CPA6: variants seen among roughly 807,000 people sequenced by gnomAD.
CPA6 encodes the protein carboxypeptidase A6, also known as carboxypeptidase B.
A neutral mutation model predicts 63.3 loss-of-function variants in CPA6; 58 were observed. The observed-to-expected ratio is 0.92, with a 90% CI of 0.74 to 1.14. The LOEUF is 1.14. CPA6 is among the 50% of genes most tolerant of loss of function. CPA6 has a pLI of 0.00. For missense variants in CPA6, 565 were observed against 526.6 expected, an observed-to-expected ratio of 1.07 and a Z score of -0.71; for synonymous variants, 185 against 179.0, an observed-to-expected ratio of 1.03 and a Z score of -0.27.
intron 1 of CPA6, among the ~76,000 whole-genome samples, chr8:67,688,581 AT>A (rs1374681631): frequency 6.6e-6 from 1 of 152,160 alleles, no homozygotes; most frequent in African/African-American, 2.4e-5. Context: ...AGGCTATATC[AT>A]TAATGCTGAG....
intron 1 of CPA6, among the ~76,000 whole-genome samples, chr8:67,656,741 T>C (rs1007938471): frequency 6.6e-6 from 1 of 152,180 alleles, no homozygotes; most frequent in African/African-American, 2.4e-5. Flanking sequence ...AGTCATATGC[T>C]ATATGAAAAT....
chr8:67,655,723 C>T (rs1001340799), intron 1 of CPA6, among the ~76,000 whole-genome samples: 1 of 151,978 alleles, frequency 6.6e-6, no homozygotes, highest in African/African-American at 2.4e-5. Context: ...CAAAGAGGCC[C>T]CTGTGTGACT....
intron 8 of CPA6, among the ~76,000 whole-genome samples, chr8:67,445,827 C>A (rs1810398205): frequency 6.6e-6 from 1 of 151,860 alleles, no homozygotes; most frequent in Non-Finnish European, 1.5e-5. Flanking sequence ...CTTTTTATTT[C>A]TCTAAAAATA....
chr8:67,459,078 G>A (rs1271376639), intron 8 of CPA6, among the ~76,000 whole-genome samples: 2 of 152,146 alleles, frequency 1.3e-5, no homozygotes, highest in East Asian at 3.8e-4. Flanking sequence ...ACCCACACAA[G>A]CATGCACATG....
intron 2 of CPA6, among the ~76,000 whole-genome samples, chr8:67,559,503 G>T (rs1054010380): frequency 6.6e-6 from 1 of 152,098 alleles, no homozygotes; most frequent in Non-Finnish European, 1.5e-5. Flanking sequence ...CCTTTCTAGG[G>T]TAGAGGATTT....
chr8:67,584,757 C>T (rs1813880011), intron 2 of CPA6, among the ~76,000 whole-genome samples: 1 of 152,010 alleles, frequency 6.6e-6, no homozygotes, highest in South Asian at 2.1e-4. Context: ...CTGCTGCTGC[C>T]AAGAGAAGGC....
intron 1 of CPA6, among the ~76,000 whole-genome samples, chr8:67,653,580 G>C (rs1270727243): frequency 6.6e-6 from 1 of 151,960 alleles, no homozygotes; most frequent in African/African-American, 2.4e-5. Flanking sequence ...TGTGATTTTT[G>C]TACATTGATT....
At chr8:67,551,732 T>TTCACC (rs1812943407) in intron 2 of CPA6, among the ~76,000 whole-genome samples, 1 of 152,184 alleles carries the variant, frequency 6.6e-6, no homozygotes, top group Non-Finnish European at 1.5e-5. Context: ...GCACAGAACT[T>TTCACC]TCACCTCCTT....
At chr8:67,698,385 C>T (rs147611794) in intron 1 of CPA6, among the ~76,000 whole-genome samples, 7 of 152,294 alleles carry the variant, frequency 4.6e-5, no homozygotes, top group Non-Finnish European at 1.0e-4. Context: ...CTAGACCTTA[C>T]TAAACTTATA....
At chr8:67,449,050 G>A (rs1810498017) in intron 8 of CPA6, among the ~76,000 whole-genome samples, 1 of 152,090 alleles carries the variant, frequency 6.6e-6, no homozygotes, top group Admixed American at 6.6e-5. Flanking sequence ...CCAGGAATTC[G>A]AGACCAGCCT....
intron 2 of CPA6, among the ~76,000 whole-genome samples, chr8:67,594,953 G>A (rs968794772): frequency 5.9e-5 from 9 of 152,138 alleles, no homozygotes; most frequent in Non-Finnish European, 8.8e-5. Flanking sequence ...GAGGAGGGGC[G>A]CTCTGCTTTT....
chr8:67,638,721 G>A (rs1815524268), intron 1 of CPA6, among the ~76,000 whole-genome samples: 1 of 151,608 alleles, frequency 6.6e-6, no homozygotes, highest in South Asian at 2.1e-4. Context: ...CATTACTGAA[G>A]GACCAATCCA....
intron 1 of CPA6, among the ~76,000 whole-genome samples, chr8:67,739,689 G>T (rs1001756111): frequency 5.3e-5 from 8 of 152,162 alleles, no homozygotes; most frequent in Admixed American, 3.3e-4. Flanking sequence ...CAGGGTGTAG[G>T]ATAAGTGAAA....
intron 2 of CPA6, among the ~76,000 whole-genome samples, chr8:67,519,258 G>T (rs1342480766): frequency 6.6e-6 from 1 of 152,224 alleles, no homozygotes; most frequent in Non-Finnish European, 1.5e-5. Context: ...AACGCAGATG[G>T]AAGGGACGAG....
chr8:67,615,685 T>C (rs536308718), intron 2 of CPA6, among the ~76,000 whole-genome samples: 1 of 152,328 alleles, frequency 6.6e-6, no homozygotes, highest in South Asian at 2.1e-4. Context: ...ATATCCACCA[T>C]ATGCAATTCA....
chr8:67,475,827 C>CCTTTCT (rs1563967608), intron 8 of CPA6, among the ~76,000 whole-genome samples: 21 of 42,848 alleles, frequency 4.9e-4, no homozygotes, highest in Non-Finnish European at 7.2e-4. Flanking sequence ...CCTTTCTTTT[C>CCTTTCT]TTTCTTTCTT....
chr8:67,622,475 C>T (rs765963502), intron 2 of CPA6, among the ~76,000 whole-genome samples: 21 of 152,130 alleles, frequency 1.4e-4, no homozygotes, highest in Non-Finnish European at 2.4e-4. Flanking sequence ...AAAACAACCA[C>T]AATTTGGGGA....
intron 2 of CPA6, among the ~76,000 whole-genome samples, chr8:67,549,639 C>G (rs577930106): frequency 1.8e-3 from 271 of 152,228 alleles, no homozygotes; most frequent in African/African-American, 6.2e-3. Flanking sequence ...ATCTCCATTT[C>G]CCCCCATCTC....
chr8:67,635,421 T>G (rs775701804), intron 1 of CPA6, among the ~76,000 whole-genome samples: 2 of 151,680 alleles, frequency 1.3e-5, no homozygotes, highest in Non-Finnish European at 2.9e-5. Context: ...AATGCACATA[T>G]TGGATGGTCT....
Sources: gnomAD v4.1 joint callset for allele counts (sites outside exome capture counted in the v4.1 genomes callset) on GRCh38, gnomAD v4.1.1 for gene constraint, MANE v1.5 for transcripts, NCBI Gene and HGNC (gene_info 2026-07-23, HGNC 2026-07-21) for gene names.